Variants in ZNF385D observed in about 807,000 individuals in gnomAD.
ZNF385D encodes the protein zinc finger protein 659.
Under a neutral mutation model 35.8 loss-of-function variants are expected in ZNF385D, and 15 were observed. The ratio of observed to expected loss-of-function variants is 0.42; its 90% CI spans 0.28 to 0.64. ZNF385D has a LOEUF of 0.64. ZNF385D is among the 30% of genes least tolerant of loss of function. The pLI is 0.23. For missense variants in ZNF385D, 474 were observed against 494.6 expected (o/e 0.96, Z 0.39); for synonymous variants, 212 against 186.8 (o/e 1.13, Z -1.10).
chr3:21,614,589 T>TTTTG (rs545757691), intron 2 of ZNF385D, among the ~76,000 whole-genome samples: 1 of 152,002 alleles, frequency 6.6e-6, no homozygotes, highest in African/African-American at 2.4e-5. Flanking sequence ...AGTACAGATT[T>TTTTG]TTTGTTTGTT....
intron 2 of ZNF385D, among the ~76,000 whole-genome samples, chr3:22,240,535 T>G (rs1462711166): frequency 6.6e-6 from 1 of 151,010 alleles, no homozygotes; most frequent in Non-Finnish European, 1.5e-5. Context: ...TCCTTTCAGA[T>G]CTGTGCTTCC....
intron 3 of ZNF385D, among the ~76,000 whole-genome samples, chr3:22,156,376 T>G (rs1248546555): frequency 6.6e-6 from 1 of 151,554 alleles, no homozygotes; most frequent in Admixed American, 6.6e-5. Context: ...CAAACTGTGG[T>G]GTACACAGCC....
intron 3 of ZNF385D, among the ~76,000 whole-genome samples, chr3:22,044,471 T>C (rs1410926064): frequency 6.6e-6 from 1 of 152,084 alleles, no homozygotes; most frequent in Non-Finnish European, 1.5e-5. Flanking sequence ...ATAAAAATTT[T>C]TAAAAAGACA....
At chr3:22,334,542 C>T (rs564001985) in intron 2 of ZNF385D, among the ~76,000 whole-genome samples, 4 of 152,016 alleles carry the variant, frequency 2.6e-5, no homozygotes, top group African/African-American at 7.2e-5. Flanking sequence ...CTGAAATGTG[C>T]GTGTTCTGGT....
intron 3 of ZNF385D, among the ~76,000 whole-genome samples, chr3:22,091,525 A>G (rs532084754): frequency 3.9e-5 from 6 of 152,040 alleles, no homozygotes; most frequent in Non-Finnish European, 7.4e-5. Flanking sequence ...TCCACTGAAC[A>G]CTGTGTTCCT....
intron 2 of ZNF385D, among the ~76,000 whole-genome samples, chr3:22,237,954 TTAA>T: frequency 6.6e-6 from 1 of 151,124 alleles, no homozygotes; most frequent in East Asian, 2.0e-4. Context: ...ATTTAGACCT[TTAA>T]TACACTTGAA....
chr3:21,895,144 G>C (rs906421846), intron 3 of ZNF385D, among the ~76,000 whole-genome samples: 1 of 151,900 alleles, frequency 6.6e-6, no homozygotes, highest in Non-Finnish European at 1.5e-5. Flanking sequence ...ATTAAAAATA[G>C]GTTGGTATAT....
chr3:21,599,277 T>C (rs2125756184), intron 2 of ZNF385D, among the ~76,000 whole-genome samples: 1 of 152,312 alleles, frequency 6.6e-6, no homozygotes, highest in African/African-American at 2.4e-5. Flanking sequence ...TTTTGAGGGA[T>C]AAATCAAAAT....
intron 3 of ZNF385D, among the ~76,000 whole-genome samples, chr3:22,062,179 CCGGGACTACA>C (rs1259813510): frequency 2.6e-5 from 4 of 151,970 alleles, no homozygotes; most frequent in African/African-American, 9.7e-5. Flanking sequence ...CTGGGACTAC[CCGGGACTACA>C]GGCAAGTGCC....
intron 3 of ZNF385D, among the ~76,000 whole-genome samples, chr3:21,842,819 T>C (rs1323862561): frequency 1.3e-5 from 2 of 152,064 alleles, no homozygotes; most frequent in Non-Finnish European, 1.5e-5. Flanking sequence ...AGAAAAATTA[T>C]TTTGATAAGG....
intron 3 of ZNF385D, among the ~76,000 whole-genome samples, chr3:21,944,797 T>C (rs562101625): frequency 6.6e-6 from 1 of 152,266 alleles, no homozygotes; most frequent in South Asian, 2.1e-4. Flanking sequence ...TTATGACACA[T>C]TTAATTTTTT....
chr3:21,500,570 ATTCTTTTGTGCG>A (rs766083506), intron 4 of ZNF385D, among the ~76,000 whole-genome samples: 5 of 152,218 alleles, frequency 3.3e-5, no homozygotes, highest in Non-Finnish European at 7.3e-5. Context: ...CAACATGTGC[ATTCTTTTGTGCG>A]TTAGCATGTG....
chr3:22,195,264 A>C (rs927245453), intron 2 of ZNF385D, among the ~76,000 whole-genome samples: 9 of 151,966 alleles, frequency 5.9e-5, no homozygotes, highest in Non-Finnish European at 1.3e-4. Context: ...AGTTCAAAGG[A>C]AGAAACATAT....
chr3:21,454,902 A>T (rs1489639730), intron 4 of ZNF385D, among the ~76,000 whole-genome samples: 1 of 152,216 alleles, frequency 6.6e-6, no homozygotes. Context: ...CTCAGGATAC[A>T]AAATCAATGT....
At chr3:21,520,142 A>G (rs1707817921) in intron 3 of ZNF385D, among the ~76,000 whole-genome samples, 1 of 152,198 alleles carries the variant, frequency 6.6e-6, no homozygotes, top group African/African-American at 2.4e-5. Flanking sequence ...AAGCCCTTGT[A>G]TAAAGAGTTC....
chr3:22,236,898 C>A (rs1699217434), intron 2 of ZNF385D, among the ~76,000 whole-genome samples: 1 of 152,126 alleles, frequency 6.6e-6, no homozygotes, highest in African/African-American at 2.4e-5. Flanking sequence ...TATTCTATTG[C>A]ATGAATATAG....
chr3:21,974,608 G>A (rs1204413686), intron 3 of ZNF385D, among the ~76,000 whole-genome samples: 1 of 151,914 alleles, frequency 6.6e-6, no homozygotes, highest in East Asian at 1.9e-4. Context: ...GCACAGTAAA[G>A]GATACAATCA....
At chr3:22,321,324 TG>T (rs1694418921) in intron 2 of ZNF385D, among the ~76,000 whole-genome samples, 1 of 151,988 alleles carries the variant, frequency 6.6e-6, no homozygotes, top group Non-Finnish European at 1.5e-5. Flanking sequence ...CTACAATTAA[TG>T]GGGGGATTCA....
Position 21,591,795 on chromosome 3 carries a change from G to T in ZNF385D, c.166-27111C>A, listed in dbSNP as rs114894681. ...CATGTTTTTAGCCTCATTCAGAACA[G>T]TTTTTTTCCAGTTGTAATTCCTTCT... On this transcript the variant is annotated intron_variant, in intron 2 of 7. Coordinates refer to ENST00000281523, the MANE Select transcript of ZNF385D (RefSeq NM_024697.3). Among the ~76,000 whole-genome samples, 948 of 152,152 alleles carry T rather than the reference G, an allele frequency of 6.2e-3. 12 individuals are homozygous for T. Among genetic ancestry groups the T allele is most frequent in the African/African-American group, 0.022 (900 of 41,522 alleles).
Sources: allele counts gnomAD v4.1 joint callset (sites outside exome capture counted in the v4.1 genomes callset), GRCh38; gene constraint gnomAD v4.1.1; transcripts MANE v1.5; gene names NCBI Gene and HGNC (gene_info 2026-07-23, HGNC 2026-07-21).